Variants in SUN1 observed in about 807,000 individuals in gnomAD.
The protein encoded by SUN1 is Sad1 and UNC84 domain containing 1.
Under a neutral mutation model 103.2 loss-of-function variants are expected in SUN1, and 61 were observed. That is an observed-to-expected ratio of 0.59 (90% CI 0.48 to 0.73). The LOEUF (loss-of-function observed/expected upper bound fraction) is 0.73, where lower values mean the gene tolerates loss of function less well. SUN1 is among the 30% of genes least tolerant of loss of function. The pLI is 0.00. For synonymous variants in SUN1, 490 were observed against 425.7 expected, an observed-to-expected ratio of 1.15 and a Z score of -1.86; for missense variants, 1,052 against 1,034.6, an observed-to-expected ratio of 1.02 and a Z score of -0.23.
chr7:860,152 G>A lies in SUN1; in HGVS notation c.1549G>A (p.Val517Met), dbSNP rs1395348185. 1.9e-6 allele frequency: 3 copies of A among 1,614,176 alleles called. No homozygotes were observed. Among genetic ancestry groups the A allele is most frequent in the Admixed American group, 3.3e-5 (2 of 60,022 alleles). Residue 517 changes from valine to methionine, a missense_variant, in exon 14 of 19, where the codon GTG becomes ATG. Physicochemically the swap from Val to Met is conservative, Grantham distance 21. Around this residue, in one of 2 missense-constraint regions of SUN1, gnomAD observed 846 missense variants for 774.5 expected, o/e 1.09. Transcript: ENST00000401592. ...ERVDVQVREMVKLLFSEDQQG... is the reference protein window; with the variant it reads ...ERVDVQVREMMKLLFSEDQQG... ...GGTGGACGTGCAAGTCAGAGAAATGGTGAAACTCCTGTTTTCCGAAGATCA... is the reference window on the plus strand; with the variant it reads ...GGTGGACGTGCAAGTCAGAGAAATGATGAAACTCCTGTTTTCCGAAGATCA...
intron 16 of SUN1, among the ~76,000 whole-genome samples, chr7:867,127 G>T (rs767027221): frequency 5.9e-5 from 9 of 152,194 alleles, no homozygotes. Context: ...TCATGATCTC[G>T]TCCCCAGGCT....
At chr7:872,128 C>G (rs968969060) in intron 17 of SUN1, among the ~76,000 whole-genome samples, 2 of 152,234 alleles carry the variant, frequency 1.3e-5, no homozygotes, top group Non-Finnish European at 2.9e-5. Context: ...AGAGCTTCCA[C>G]TGTGAGTGCT....
chr7:847,474 CCCTGGGGGTTA>C (rs1427988411), intron 5 of SUN1, among the ~76,000 whole-genome samples: 1 of 116,042 alleles, frequency 8.6e-6, no homozygotes, highest in Non-Finnish European at 1.9e-5. Context: ...CTCCGGGGTC[CCCTGGGGGTTA>C]CCCCACAGCG....
chr7:869,236 TCTAC>T, intron 16 of SUN1, 109 bp from the exon 17 acceptor site: 1 of 1,344,618 alleles, frequency 7.4e-7, no homozygotes, highest in Non-Finnish European at 1.0e-6. Flanking sequence ...CATGGCAGTT[TCTAC>T]CATGTAAAAC....
chr7:873,255 G>A lies in SUN1; in HGVS notation c.2282G>A (p.Arg761Gln), dbSNP rs199515429. The change falls in exon 19 of 19, where the codon CGG becomes CAG. Residue 761 changes from arginine to glutamine, a missense_variant. Coordinates refer to ENST00000401592, the MANE Select transcript of SUN1 (RefSeq NM_001130965.3). ...DDTAFQIVEL[R>Q]IFSNWGHPEY... ...ACAGCTTTCCAAATAGTGGAACTTCGGATTTTTTCTAACTGGGGCCATCCT... is the reference window on the plus strand; with the variant it reads ...ACAGCTTTCCAAATAGTGGAACTTCAGATTTTTTCTAACTGGGGCCATCCT... 801 of 1,614,212 alleles carry A rather than the reference G, an allele frequency of 5.0e-4. 3 individuals are homozygous for A. In the Middle Eastern group the frequency reaches 7.1e-3, roughly 14 times the overall value.
rs781384992 is a variant in SUN1, at chr7:861,395, G to A, written c.1795G>A (p.Val599Met). ...GITEAQARAI[V>M]NSALKLYSQD... ...GTCTGTCCAGCAAGCACGTGCCATC[G>A]TGAACAGCGCCTTGAAGCTGTATTC... Residue 599 changes from valine (V) to methionine (M), a missense_variant, in exon 15 of 19, where the codon GTG (valine) becomes ATG (methionine). Physicochemically the swap from Val to Met is conservative, Grantham distance 21 (BLOSUM62 1). Transcript: ENST00000401592. 17 of 1,614,078 alleles carry A rather than the reference G, an allele frequency of 1.1e-5. No individual in the cohort carries two copies. The highest frequency in any genetic ancestry group is 2.7e-5 in the African/African-American group (2 of 74,930).
upstream of SUN1, among the ~76,000 whole-genome samples, chr7:827,991 G>C (rs534617469): frequency 7.3e-5 from 11 of 151,094 alleles, no homozygotes; most frequent in Admixed American, 5.9e-4. Context: ...CGCAACCTGC[G>C]CCTCCTGGTT....
At chr7:866,629 CCCGGGCCTTCGCCCCCACT>C (rs2128508570) in intron 16 of SUN1, among the ~76,000 whole-genome samples, 2 of 140,694 alleles carry the variant, frequency 1.4e-5, no homozygotes, top group Non-Finnish European at 3.1e-5. Flanking sequence ...CCACCATCTC[CCCGGGCCTTCGCCCCCACT>C]GTCTCCCCAC....
intron 3 of SUN1, 139 bp downstream of exon 3, chr7:842,269 G>A: frequency 1.1e-6 from 1 of 933,338 alleles, no homozygotes; most frequent in Non-Finnish European, 1.6e-6. Context: ...GCCACATTGT[G>A]GGTTTGCTGC....
intron 15 of SUN1, among the ~76,000 whole-genome samples, chr7:863,602 C>T (rs1388672286): frequency 1.3e-5 from 2 of 152,068 alleles, no homozygotes; most frequent in East Asian, 3.9e-4. Flanking sequence ...ACTGCCTTAC[C>T]CCAGAATCTT....
intron 5 of SUN1, among the ~76,000 whole-genome samples, chr7:849,304 G>A (rs1182712501): frequency 3.9e-5 from 6 of 152,336 alleles, no homozygotes; most frequent in African/African-American, 7.2e-5. Context: ...CCACACACAC[G>A]ATTCAGCCAG....
At chr7:861,924 G>A (rs1832562059) in intron 15 of SUN1, among the ~76,000 whole-genome samples, 1 of 152,188 alleles carries the variant, frequency 6.6e-6, no homozygotes, top group South Asian at 2.1e-4. Context: ...CGCTGTGGTC[G>A]GGGTTTGGGA....
Position 838,993 on chromosome 7 carries a change from A to G in SUN1, c.266+7A>G. ...TGAAGAACCGAGCGGCCAGGTGAGCACCGCTGCACTTCCTCTCCATCTGAT... is the reference window on the plus strand; with the variant it reads ...TGAAGAACCGAGCGGCCAGGTGAGCGCCGCTGCACTTCCTCTCCATCTGAT... On this transcript the variant is annotated splice_region_variant and intron_variant, in intron 2 of 18. Transcript: ENST00000401592. 6.5e-7 allele frequency: 1 copy of G among 1,546,198 alleles called. No individual in the cohort carries two copies. Among genetic ancestry groups the G allele is most frequent in the Non-Finnish European group, 8.7e-7 (1 of 1,146,884 alleles).
At chr7:828,574 A>T (rs1186600085), upstream of SUN1, among the ~76,000 whole-genome samples, 3 of 152,120 alleles carry the variant, frequency 2.0e-5, no homozygotes, top group African/African-American at 7.2e-5. Context: ...GCCCGGCTGG[A>T]TGTATATATT....
chr7:819,490 T>C (rs1235712438), intron 1 of SUN1, among the ~76,000 whole-genome samples: 2 of 152,214 alleles, frequency 1.3e-5, no homozygotes, highest in South Asian at 2.1e-4. Context: ...ATTTAGGTTT[T>C]TGATCCATTT....
In SUN1 at chr7:838,880, C is replaced by A. The variant is rs778801320; in HGVS notation, c.160C>A (p.Arg54Ser). 1.2e-6 allele frequency: 2 copies of A among 1,606,926 alleles called. No homozygotes were observed. The highest frequency in any genetic ancestry group is 1.7e-6 in the Non-Finnish European group (2 of 1,177,066). ...ATTTGATTCTCCACGGATGTCCCGC[C>A]GTAGTTTGCGCCTGGCCACGACAGC... ...PVFDSPRMSR[R>S]SLRLATTACT... Residue 54 changes from arginine to serine, a missense_variant, in exon 2 of 19, where the codon CGT (arginine) becomes AGT (serine). Physicochemically the swap from Arg to Ser is moderately radical, Grantham distance 110. Coordinates refer to ENST00000401592, the MANE Select transcript of SUN1 (RefSeq NM_001130965.3).
At chr7:822,091 A>G (rs1404026465) in intron 1 of SUN1, among the ~76,000 whole-genome samples, 1 of 152,228 alleles carries the variant, frequency 6.6e-6, no homozygotes, top group African/African-American at 2.4e-5. Context: ...GCTACATCAC[A>G]TTTGAAGCAG....
At chr7:865,846 G>A (rs1267682449) in intron 15 of SUN1, 106 bp from the exon 16 acceptor site, 4 of 877,678 alleles carry the variant, frequency 4.6e-6, no homozygotes, top group South Asian at 1.5e-5. Context: ...CAGTGATGTC[G>A]AGCACTTTTC....
chr7:838,153 C>A (rs1015206740), intron 1 of SUN1, among the ~76,000 whole-genome samples: 5 of 152,222 alleles, frequency 3.3e-5, no homozygotes, highest in Non-Finnish European at 7.3e-5. Context: ...CCCAGGCTCA[C>A]GCAATCCTCC....
Sources: allele counts gnomAD v4.1 joint callset (sites outside exome capture counted in the v4.1 genomes callset), GRCh38; gene constraint gnomAD v4.1.1; regional missense constraint gnomAD v4.1.1; transcripts MANE v1.5; gene names NCBI Gene and HGNC (gene_info 2026-07-23, HGNC 2026-07-21).